Variants in SCG3 observed in about 807,000 individuals in gnomAD.
The protein encoded by SCG3 is secretogranin-3.
Under a neutral mutation model 56.2 loss-of-function variants are expected in SCG3, and 38 were observed. The ratio of observed to expected loss-of-function variants is 0.68; its 90% confidence interval spans 0.52 to 0.89. The LOEUF is 0.89. Ranked by LOEUF, SCG3 falls within the 40% of genes least tolerant of loss-of-function variation. The pLI is 0.00. For synonymous variants in SCG3, 176 were observed against 184.2 expected (o/e 0.96, Z 0.36); for missense variants, 524 against 540.7 (o/e 0.97, Z 0.31).
intron 4 of SCG3, among the ~76,000 whole-genome samples, chr15:51,684,995 T>C (rs561635773): frequency 5.3e-5 from 8 of 152,264 alleles, no homozygotes; most frequent in Non-Finnish European, 1.2e-4. Flanking sequence ...TTTTCTTCCC[T>C]GTCCTTATTC....
At chr15:51,709,189 C>A (rs1029828791) in intron 10 of SCG3, among the ~76,000 whole-genome samples, 12 of 152,170 alleles carry the variant, frequency 7.9e-5, no homozygotes, top group Non-Finnish European at 1.5e-4. Flanking sequence ...AAGTGCTGAG[C>A]AAATGGGGAA....
chr15:51,681,920 A>G, intron 1 of SCG3, 83 bp downstream of exon 1: 1 of 1,062,324 alleles, frequency 9.4e-7, no homozygotes, highest in Non-Finnish European at 1.4e-6. Flanking sequence ...TGAGCTGTAA[A>G]TCACCCTGAC....
At chr15:51,682,439 T>G (rs1473879645) in intron 1 of SCG3, 78 bp from the exon 2 acceptor site, 1 of 710,686 alleles carries the variant, frequency 1.4e-6, no homozygotes, top group African/African-American at 1.9e-5. Context: ...TTCCTTTTTA[T>G]AAAAATTTTA....
intron 7 of SCG3, 41 bp from the exon 8 acceptor site, chr15:51,695,834 C>T (rs2055299632): frequency 9.7e-7 from 1 of 1,029,336 alleles, no homozygotes; most frequent in African/African-American, 1.6e-5. Context: ...AAAGAGGAAG[C>T]TATCCCCCAC....
intron 11 of SCG3, among the ~76,000 whole-genome samples, chr15:51,714,426 C>T (rs2055440503): frequency 6.6e-6 from 1 of 152,016 alleles, no homozygotes; most frequent in South Asian, 2.1e-4. Flanking sequence ...CAGGGGACAA[C>T]AGAGGAGATA....
intron 11 of SCG3, among the ~76,000 whole-genome samples, chr15:51,717,830 G>A (rs1420906151): frequency 6.6e-6 from 1 of 152,194 alleles, no homozygotes; most frequent in Non-Finnish European, 1.5e-5. Flanking sequence ...CATTGGATAG[G>A]CATGATTGAC....
chr15:51,696,022 G>A (rs1284808708), intron 8 of SCG3, 31 bp downstream of exon 8: 2 of 1,291,122 alleles, frequency 1.5e-6, no homozygotes, highest in Non-Finnish European at 1.1e-6. Context: ...TTTCTACTGT[G>A]GTGGTTTTCA....
intron 10 of SCG3, among the ~76,000 whole-genome samples, chr15:51,708,941 T>G (rs1292477742): frequency 3.9e-5 from 6 of 152,174 alleles, no homozygotes; most frequent in African/African-American, 1.2e-4. Context: ...AAAGGTGAAT[T>G]TGACCCAGCC....
At chr15:51,694,552 T>C (rs2055289460) in intron 7 of SCG3, among the ~76,000 whole-genome samples, 1 of 151,920 alleles carries the variant, frequency 6.6e-6, no homozygotes, top group South Asian at 2.1e-4. Context: ...TTAGAGAAAA[T>C]CTTTCAGTGG....
chr15:51,693,081 C>T (rs2055278281), intron 7 of SCG3: 1 of 152,208 alleles, frequency 6.6e-6, no homozygotes, highest in Non-Finnish European at 1.5e-5. Flanking sequence ...CCATTCTACT[C>T]TCTTCTTCGA....
chr15:51,699,336 A>C lies in SCG3; in HGVS notation c.1003A>C (p.Ile335Leu). The C allele has an allele frequency of 6.2e-7, 1 of 1,607,576 alleles. No homozygotes were observed. The highest frequency in any genetic ancestry group is 8.5e-7 in the Non-Finnish European group (1 of 1,178,034). ...CCCTCCAGAAAACTTGGATGAAATGATTGCTCTTCAGACCAAAAACAAGCT... is the reference window on the plus strand; with the variant it reads ...CCCTCCAGAAAACTTGGATGAAATGCTTGCTCTTCAGACCAAAAACAAGCT... ...VSYLENLDEM[I>L]ALQTKNKLEK... is the part of the protein sequence containing the mutation. Residue 335 changes from isoleucine (I) to leucine (L), a missense_variant, in exon 9 of 12, where the codon ATT becomes CTT. Transcript: ENST00000220478.
chr15:51,705,799 T>C (rs886403799), intron 10 of SCG3, among the ~76,000 whole-genome samples: 1 of 152,200 alleles, frequency 6.6e-6, no homozygotes, highest in Admixed American at 6.5e-5. Flanking sequence ...GTACTGGGAT[T>C]GTAGGTGTGA....
chr15:51,689,194 T>C (rs760104800), intron 5 of SCG3, 25 bp from the exon 6 acceptor site: 3 of 1,610,114 alleles, frequency 1.9e-6, no homozygotes, highest in South Asian at 2.2e-5. Flanking sequence ...ATAGCAGTTA[T>C]ATATGTTTTG....
intron 6 of SCG3, among the ~76,000 whole-genome samples, chr15:51,689,737 T>C (rs1170481534): frequency 6.6e-6 from 1 of 152,040 alleles, no homozygotes; most frequent in Admixed American, 6.6e-5. Flanking sequence ...CAGTGAACTA[T>C]GATTGCACCA....
At chr15:51,704,739 T>C in intron 10 of SCG3, among the ~76,000 whole-genome samples, 1 of 125,130 alleles carries the variant, frequency 8.0e-6, no homozygotes, top group Non-Finnish European at 1.8e-5. Context: ...GGGTTGCTTC[T>C]ACCTTTTGGC....
intron 11 of SCG3, among the ~76,000 whole-genome samples, chr15:51,714,347 C>G (rs528962795): frequency 6.6e-6 from 1 of 151,958 alleles, no homozygotes; most frequent in East Asian, 1.9e-4. Flanking sequence ...AAAATAAGAC[C>G]CCAGAAGGCA....
At chr15:51,709,887 ATTTTT>A (rs67775073) in intron 10 of SCG3, among the ~76,000 whole-genome samples, 2 of 84,810 alleles carry the variant, frequency 2.4e-5, no homozygotes, top group East Asian at 3.4e-4. Context: ...CGCCCGGCTA[ATTTTT>A]TTTTTTTTTT....
intron 9 of SCG3, 26 bp from the exon 10 acceptor site, chr15:51,701,081 G>A (rs1286615003): frequency 2.5e-6 from 4 of 1,612,190 alleles, no homozygotes; most frequent in Non-Finnish European, 3.4e-6. Context: ...ACAGGGCTAT[G>A]ACAACAATGC....
chr15:51,698,455 T>C (rs1398793949), intron 8 of SCG3, among the ~76,000 whole-genome samples: 3 of 152,200 alleles, frequency 2.0e-5, no homozygotes, highest in East Asian at 3.8e-4. Flanking sequence ...AGGGAAATGC[T>C]CCTTAATATA....
Sources: gnomAD v4.1 joint callset for allele counts (sites outside exome capture counted in the v4.1 genomes callset) on GRCh38, gnomAD v4.1.1 for gene constraint, MANE v1.5 for transcripts, NCBI Gene and HGNC (gene_info 2026-07-23, HGNC 2026-07-21) for gene names.